Variants in UGP2 observed in about 807,000 individuals in gnomAD.
UGP2 encodes UTP--glucose-1-phosphate uridylyltransferase.
A neutral mutation model predicts 49.0 loss-of-function variants in UGP2; 40 were observed. The ratio of observed to expected loss-of-function variants is 0.82; its 90% CI spans 0.63 to 1.06. The LOEUF (loss-of-function observed/expected upper bound fraction) is 1.06. Ranked by LOEUF, UGP2 falls within the 50% of genes least tolerant of loss-of-function variation. The pLI, the probability that UGP2 is intolerant of heterozygous loss-of-function variation, is 0.00. For missense variants in UGP2, 460 were observed against 603.5 expected, an observed-to-expected ratio of 0.76 and a Z score of 2.49; for synonymous variants, 225 against 213.0, an observed-to-expected ratio of 1.06 and a Z score of -0.49.
At chr2:63,841,368 G>C (rs1284497884), upstream of UGP2, 1 of 152,544 alleles carries the variant, frequency 6.6e-6, no homozygotes, top group African/African-American at 2.4e-5. Flanking sequence ...GCGCAGGGCA[G>C]GCGGGGCGAG....
intron 3 of UGP2, among the ~76,000 whole-genome samples, chr2:63,876,568 T>G (rs945815716): frequency 7.9e-5 from 12 of 152,370 alleles, no homozygotes; most frequent in African/African-American, 2.9e-4. Context: ...CTACATTTAA[T>G]TAGCTGCTTT....
chr2:63,890,099 A>T lies in UGP2; in HGVS notation c.1333A>T (p.Arg445Ter), dbSNP rs1345680647. The T allele has an allele frequency of 1.9e-6, 3 of 1,609,836 alleles. No individual in the cohort carries two copies. Among genetic ancestry groups the T allele is most frequent in the Non-Finnish European group, 2.5e-6 (3 of 1,178,642 alleles). The change falls in exon 9 of 10, where the codon AGA (arginine) becomes TGA (stop). Residue 445 changes from arginine (R) to a stop codon, truncating the protein, a stop_gained. Coordinates refer to ENST00000337130, the MANE Select transcript of UGP2 (RefSeq NM_006759.4). LOFTEE classifies it high-confidence loss of function. ...CTGTAAGGTTCAAGATTATCTAAGA[A>T]GATTTGAAAGTATACCAGATATGCT... Reference protein sequence around the residue: ...SFTKVQDYLRRFESIPDMLEL... With the variant: ...SFTKVQDYLR
intron 8 of UGP2, chr2:63,888,471 G>C (rs1451472769): frequency 6.6e-6 from 1 of 152,206 alleles, no homozygotes; most frequent in Non-Finnish European, 1.5e-5. Context: ...ATAAATGTGA[G>C]CTGTACATAC....
At chr2:63,869,098 A>G (rs1364768939) in intron 3 of UGP2, among the ~76,000 whole-genome samples, 4 of 152,222 alleles carry the variant, frequency 2.6e-5, no homozygotes, top group Admixed American at 2.6e-4. Flanking sequence ...CCATTCATCT[A>G]GTTTCTAGTT....
intron 3 of UGP2, among the ~76,000 whole-genome samples, chr2:63,860,762 A>ATTTTTTTTTTT (rs556819048): frequency 4.0e-5 from 5 of 123,702 alleles, no homozygotes; most frequent in Admixed American, 8.7e-5. Context: ...GGCCCAGCTA[A>ATTTTTTTTTTT]TTTTTTTTTT....
intron 5 of UGP2, 71 bp downstream of exon 5, chr2:63,884,164 A>G (rs1367252117): frequency 1.1e-5 from 17 of 1,565,898 alleles, no homozygotes; most frequent in Non-Finnish European, 1.5e-5. Context: ...TGTTTATAAC[A>G]GAGCAGTTTC....
In UGP2 at chr2:63,887,562, T is replaced by C. The variant is rs1671774164; in HGVS notation, c.1232T>C (p.Leu411Pro). The C allele has an allele frequency of 6.2e-7, 1 of 1,614,044 alleles. No homozygotes were observed. Among genetic ancestry groups the C allele is most frequent in the Non-Finnish European group, 8.5e-7 (1 of 1,180,022 alleles). Residue 411 changes from leucine (L) to proline (P), a missense_variant, in exon 8 of 10, where the codon CTT (leucine) becomes CCT (proline). Around this residue, in one of 2 missense-constraint regions of UGP2, gnomAD observed 317 missense variants for 473.0 expected, o/e 0.67. Coordinates refer to ENST00000337130, the MANE Select transcript of UGP2 (RefSeq NM_006759.4). The stretch of plus-strand genomic sequence containing the variant: ...CTGGTGATGTCAAACCTCTATAGTC[T>C]TAATGCAGGATCTCTGACAATGAGT... The part of the protein sequence containing the change: ...LLLVMSNLYS[L>P]NAGSLTMSEK...
At chr2:63,876,770 G>GC (rs1670934045) in intron 3 of UGP2, among the ~76,000 whole-genome samples, 1 of 152,208 alleles carries the variant, frequency 6.6e-6, no homozygotes, top group South Asian at 2.1e-4. Flanking sequence ...ATTGTGAGTT[G>GC]CCAGGGCCTG....
In UGP2 at chr2:63,845,538, T is replaced by C. The variant is rs897828964; in HGVS notation, c.19+3334T>C. Among the ~76,000 whole-genome samples the C allele has an allele frequency of 1.4e-5, 2 of 143,878 alleles. 1 individual carries two copies. Among genetic ancestry groups the C allele is most frequent in the South Asian group, 4.3e-4 (2 of 4,600 alleles). 94.4% of individuals were successfully genotyped at this position (143,878 alleles called of 152,430 possible). A position where few individuals can be genotyped will look rare whatever the true frequency, so the allele number is the denominator to read the frequency against. The stretch of plus-strand genomic sequence containing the variant: ...TTATGTTAAAAAAAAAAAAAAAAAG[T>C]GCCGGGGTGGGGCAAGGTAACGTTT... On this transcript the variant is annotated intron_variant, in intron 1 of 9. Transcript: ENST00000337130.
intron 1 of UGP2, among the ~76,000 whole-genome samples, chr2:63,845,357 A>G (rs1006233973): frequency 2.6e-5 from 4 of 152,188 alleles, no homozygotes; most frequent in African/African-American, 7.2e-5. Flanking sequence ...GTAGCCAGTC[A>G]ATTTTACTTT....
chr2:63,871,778 G>T (rs1222472655), intron 3 of UGP2, among the ~76,000 whole-genome samples: 1 of 152,228 alleles, frequency 6.6e-6, no homozygotes, highest in Non-Finnish European at 1.5e-5. Flanking sequence ...TAGTTAGAGA[G>T]ACCCTCTTTT....
At chr2:63,841,006 G>A (rs1671496017), upstream of UGP2, 1 of 152,242 alleles carries the variant, frequency 6.6e-6, no homozygotes, top group Non-Finnish European at 1.5e-5. Context: ...GGGGAGGGGA[G>A]GTGTTTAGGA....
chr2:63,886,747 G>C (rs2104363315), intron 7 of UGP2, among the ~76,000 whole-genome samples: 1 of 152,240 alleles, frequency 6.6e-6, no homozygotes, highest in Admixed American at 6.5e-5. Flanking sequence ...TTGACCCTGG[G>C]TTGTGGTAGT....
chr2:63,858,849 T>A (rs1669631128), intron 3 of UGP2, among the ~76,000 whole-genome samples: 1 of 151,914 alleles, frequency 6.6e-6, no homozygotes, highest in Admixed American at 6.6e-5. Context: ...AGCCTAAAAT[T>A]ATAATAAATT....
chr2:63,875,690 C>G (rs1670863921), intron 3 of UGP2, among the ~76,000 whole-genome samples: 1 of 152,146 alleles, frequency 6.6e-6, no homozygotes, highest in African/African-American at 2.4e-5. Flanking sequence ...GCTATTTGGC[C>G]AATTCTTTTC....
intron 3 of UGP2, among the ~76,000 whole-genome samples, chr2:63,859,531 A>G (rs1355829511): frequency 6.6e-6 from 1 of 152,142 alleles, no homozygotes; most frequent in Non-Finnish European, 1.5e-5. Context: ...GTGGAGAAGG[A>G]AGGAGAAGAG....
intron 3 of UGP2, among the ~76,000 whole-genome samples, chr2:63,879,753 T>C (rs538790842): frequency 1.8e-5 from 2 of 110,458 alleles, no homozygotes; most frequent in African/African-American, 5.2e-5. Context: ...TATAAACTTT[T>C]ATGTATGCGA....
Position 63,884,444 on chromosome 2 carries a change from T to G in UGP2, c.575+351T>G, listed in dbSNP as rs2104356797. Among the ~76,000 whole-genome samples, 9 of 152,342 alleles carry G rather than the reference T, an allele frequency of 5.9e-5. No homozygotes were observed. The Middle Eastern group carries it at 0.027, about 461-fold the overall frequency. On this transcript the variant is annotated intron_variant, in intron 5 of 9. Coordinates refer to ENST00000337130, the MANE Select transcript of UGP2 (RefSeq NM_006759.4). ...ATAACCTTTCCTATGGAAAGGAATT[T>G]CTTCAACACCTTTTATGGGCTTGGG...
intron 4 of UGP2, among the ~76,000 whole-genome samples, 177 bp from the exon 5 acceptor site, chr2:63,883,783 G>T (rs1486707648): frequency 6.6e-6 from 1 of 152,224 alleles, no homozygotes; most frequent in Non-Finnish European, 1.5e-5. Flanking sequence ...AGTGCATGGT[G>T]AATTGCTTAG....
Sources: allele counts gnomAD v4.1 joint callset (sites outside exome capture counted in the v4.1 genomes callset), GRCh38; gene constraint gnomAD v4.1.1; regional missense constraint gnomAD v4.1.1; transcripts MANE v1.5; gene names NCBI Gene and HGNC (gene_info 2026-07-23, HGNC 2026-07-21).